PDE1B: variants seen among roughly 807,000 people sequenced by gnomAD.
The protein encoded by PDE1B is phosphodiesterase 1B.
Under a neutral mutation model 66.7 loss-of-function variants are expected in PDE1B, and 13 were observed. The ratio of observed to expected loss-of-function variants is 0.19; its 90% CI spans 0.13 to 0.31. The LOEUF is 0.31. Ranked by LOEUF, PDE1B falls within the 10% of genes least tolerant of loss-of-function variation. PDE1B has a pLI of 1.00. For missense variants in PDE1B, 485 were observed against 682.3 expected (o/e 0.71, Z 3.22); for synonymous variants, 230 against 253.9 (o/e 0.91, Z 0.90).
intron 6 of PDE1B, chr12:54,572,222 TG>T (rs1189416542): frequency 5.8e-6 from 1 of 173,414 alleles, no homozygotes; most frequent in Non-Finnish European, 1.2e-5. Flanking sequence ...GATGTGGGGA[TG>T]GAGTGGGATG....
chr12:54,575,613 A>G lies in PDE1B; in HGVS notation c.1248A>G (p.Leu416=), dbSNP rs1414596702. 8 of 1,611,774 alleles carry G rather than the reference A, an allele frequency of 5.0e-6. No individual in the cohort carries two copies. Among genetic ancestry groups the G allele is most frequent in the Non-Finnish European group, 6.8e-6 (8 of 1,178,382 alleles). Reference sequence around the variant, plus strand: ...CACTCTGTGACCGCACTTCCACTCTAGTGGCACAGTCTCAGATAGGTGAGT... The same window carrying G: ...CACTCTGTGACCGCACTTCCACTCTGGTGGCACAGTCTCAGATAGGTGAGT... The part of the protein sequence containing the change: ...FSPLCDRTST[L]VAQSQIGFID... Residue 416 remains leucine (L), a synonymous_variant, in exon 12 of 16, where the codon CTA becomes CTG. Coordinates refer to ENST00000243052, the MANE Select transcript of PDE1B (RefSeq NM_000924.4). The surrounding 1 kb of genome is among the most constrained non-coding windows in gnomAD (Gnocchi z 4.0).
rs1957713862 is a variant in PDE1B at position 54,575,298 on chromosome 12, C to G, written c.1185+80C>G. On this transcript the variant is annotated intron_variant, in intron 11 of 15. Transcript: ENST00000243052. This position sits in a 1 kb window ranked among gnomAD's most constrained non-coding sequence, Gnocchi z 4.0. ...GCCCTCCAAGTTCCCCAATCCTGTT[C>G]CACATCCTCCTTTTGCTACCTGTAG... 2.4e-6 allele frequency: 3 copies of G among 1,264,644 alleles called. No homozygotes were observed. The Admixed American group carries it at 5.2e-5, about 22-fold the overall frequency. 78.3% of individuals were successfully genotyped at this position (1,264,644 alleles called of 1,614,324 possible). A position where few individuals can be genotyped will look rare whatever the true frequency, so the allele number is the denominator to read the frequency against.
chr12:54,561,419 T>C, intron 2 of PDE1B: 1 of 1,267,002 alleles, frequency 7.9e-7, no homozygotes, highest in Non-Finnish European at 1.0e-6. Context: ...ACTCTCTTCT[T>C]CCTGCAGCCA....
intron 2 of PDE1B, among the ~76,000 whole-genome samples, chr12:54,560,674 G>A (rs1220327404): frequency 6.6e-6 from 1 of 152,200 alleles, no homozygotes; most frequent in African/African-American, 2.4e-5. Flanking sequence ...CGAAAGCAAA[G>A]TCTGAAGGCG....
rs1957575521 is a variant in PDE1B, at chr12:54,569,330, T to C, written c.374T>C (p.Ile125Thr). 3 of 1,613,332 alleles carry C rather than the reference T, an allele frequency of 1.9e-6. No individual in the cohort carries two copies. The highest frequency in any genetic ancestry group is 1.7e-6 in the Non-Finnish European group (2 of 1,179,552). The stretch of plus-strand genomic sequence containing the variant: ...GAGGAGAAGCCCAAGTTCCGAAGCA[T>C]TGTGCACGCTGTGCAGGCTGGGATC... ...RAEEKPKFRS[I>T]VHAVQAGIFV... is the part of the protein sequence containing the mutation. The change falls in exon 4 of 16, where the codon ATT becomes ACT. Residue 125 changes from isoleucine to threonine, a missense_variant. Ile to Thr is a moderately conservative substitution (Grantham distance 89). Coordinates refer to ENST00000243052, the MANE Select transcript of PDE1B (RefSeq NM_000924.4). This position sits in a 1 kb window ranked among gnomAD's most constrained non-coding sequence, Gnocchi z 4.4.
intron 3 of PDE1B, among the ~76,000 whole-genome samples, chr12:54,567,947 C>T (rs987298824): frequency 1.3e-5 from 2 of 152,192 alleles, no homozygotes; most frequent in Non-Finnish European, 2.9e-5. Flanking sequence ...ACCTCTGCCT[C>T]TGGGGTTCAA....
At chr12:54,577,724 G>T in intron 15 of PDE1B, 136 bp from the exon 16 acceptor site, 1 of 554,538 alleles carries the variant, frequency 1.8e-6, no homozygotes, top group Non-Finnish European at 3.0e-6. Context: ...CACCCCCTTG[G>T]CTGGGCACCC....
intron 2 of PDE1B, among the ~76,000 whole-genome samples, chr12:54,553,058 T>A (rs1957298713): frequency 6.6e-6 from 1 of 152,220 alleles, no homozygotes. Context: ...GAGAATACAG[T>A]CGGTGGTGGA....
chr12:54,564,264 C>T (rs1957472847), intron 2 of PDE1B, among the ~76,000 whole-genome samples: 1 of 151,354 alleles, frequency 6.6e-6, no homozygotes, highest in Admixed American at 6.6e-5. Flanking sequence ...CAGACCCACT[C>T]AAAGTCCTCA....
In PDE1B at chr12:54,575,904, C is replaced by T; in HGVS notation, c.1268-88C>T. ...CTCTCCATCCTCTTTCATAAGCAGC[C>T]AGGGGTCCTGGCCATGCCAGCTGCA... On this transcript the variant is annotated intron_variant, in intron 12 of 15. Coordinates refer to ENST00000243052, the MANE Select transcript of PDE1B (RefSeq NM_000924.4). This position sits in a 1 kb window ranked among gnomAD's most constrained non-coding sequence, Gnocchi z 4.0. The T allele has an allele frequency of 2.0e-6, 2 of 992,660 alleles. No individual in the cohort carries two copies. Among genetic ancestry groups the T allele is most frequent in the Admixed American group, 1.7e-5 (1 of 58,544 alleles). 61.5% of individuals were successfully genotyped at this position (992,660 alleles called of 1,614,324 possible).
chr12:54,574,345 T>A (rs759000699), intron 10 of PDE1B: 1 of 153,736 alleles, frequency 6.5e-6, no homozygotes, highest in African/African-American at 2.4e-5. Context: ...TAATAATAAT[T>A]ATTACTATTC....
In PDE1B at chr12:54,577,226, C is replaced by A. The variant is rs1957772844; in HGVS notation, c.1509C>A (p.Gly503=). The A allele has an allele frequency of 6.2e-7, 1 of 1,612,972 alleles. No homozygotes were observed. Among genetic ancestry groups the A allele is most frequent in the African/African-American group, 1.3e-5 (1 of 74,910 alleles). The change falls in exon 15 of 16, where the codon GGC becomes GGA. Residue 503 remains glycine, a splice_region_variant and synonymous_variant. Coordinates refer to ENST00000243052, the MANE Select transcript of PDE1B (RefSeq NM_000924.4). ...AGCCTCCTTTATGCTCCTCTACAGG[C>A]ATCACCAACCAGATGTCCATTGACG... The part of the protein sequence containing the change: ...KQKWKERAAS[G]ITNQMSIDEL...
rs751625484 is a variant in PDE1B at position 54,570,243 on chromosome 12, C to G, written c.480C>G (p.Asn160Lys). ...YSTAVLNCLK[N>K]LDLWCFDVFS... ...CATAATCTATTGTTTCTCCATAGAA[C>G]CTGGATCTCTGGTGCTTTGATGTCT... The change falls in exon 6 of 16, where the codon AAC (asparagine) becomes AAG (lysine). Residue 160 changes from asparagine to lysine, a missense_variant and splice_region_variant. Asn to Lys is a moderately conservative substitution (Grantham distance 94). This residue lies in a region of PDE1B where 282 missense variants were observed against 453.4 expected (regional missense o/e 0.62). Coordinates refer to ENST00000243052, the MANE Select transcript of PDE1B (RefSeq NM_000924.4). The G allele has an allele frequency of 4.0e-5, 64 of 1,595,872 alleles. No individual in the cohort carries two copies. The highest frequency in any genetic ancestry group is 5.4e-5 in the Non-Finnish European group (63 of 1,163,442).
Position 54,575,226 on chromosome 12 carries a change from G to A in PDE1B, c.1185+8G>A. ...GAGGAATTCTTCCGTCAGGTAGCGT[G>A]GCATCTTTGCCTTCCCTGTGCCTAT... On this transcript the variant is annotated splice_region_variant and intron_variant, in intron 11 of 15. Transcript: ENST00000243052. This position sits in a 1 kb window ranked among gnomAD's most constrained non-coding sequence, Gnocchi z 4.0. The A allele has an allele frequency of 6.2e-7, 1 of 1,612,858 alleles. No homozygotes were observed. The highest frequency in any genetic ancestry group is 8.5e-7 in the Non-Finnish European group (1 of 1,179,024).
intron 2 of PDE1B, among the ~76,000 whole-genome samples, chr12:54,556,970 A>G (rs577509212): frequency 6.6e-6 from 1 of 151,888 alleles, no homozygotes; most frequent in African/African-American, 2.4e-5. Context: ...TTTTATTCCT[A>G]TTTGTTGGCT....
chr12:54,550,610 A>AGG lies in PDE1B; in HGVS notation c.113+631_113+632dup, dbSNP rs11384809. Among the ~76,000 whole-genome samples the AGG allele has an allele frequency of 2.6e-3, 391 of 151,916 alleles. 10 individuals carry two copies. In the East Asian group the frequency reaches 0.045, roughly 17 times the overall value. The stretch of plus-strand genomic sequence containing the variant: ...ATGAGGGGACCCACGTGGAATCTGG[A>AGG]GGGGGGGTTGGAGCCCCCACCTGGA... On this transcript the variant is annotated intron_variant, in intron 2 of 15. Coordinates refer to ENST00000243052, the MANE Select transcript of PDE1B (RefSeq NM_000924.4).
chr12:54,573,918 C>T lies in PDE1B; in HGVS notation c.1064+209C>T, dbSNP rs60049770. ...GTGTGTGTGTGTGTGTGTGTCCTTA[C>T]GTTTACTCACAGCCTTGGCAGCTGA... On this transcript the variant is annotated intron_variant, in intron 10 of 15. Coordinates refer to ENST00000243052, the MANE Select transcript of PDE1B (RefSeq NM_000924.4). The surrounding 1 kb of genome is among the most constrained non-coding windows in gnomAD (Gnocchi z 5.2). The T allele has an allele frequency of 0.011, 5,773 of 527,412 alleles. 103 individuals carry two copies. Among genetic ancestry groups the T allele is most frequent in the African/African-American group, 0.059 (2,811 of 47,678 alleles). The allele number at this position is 527,412 out of a possible 1,614,324, so 32.7% of individuals were successfully genotyped here. A position where few individuals can be genotyped will look rare whatever the true frequency, so the allele number is the denominator to read the frequency against.
rs915117483 is a variant in PDE1B at position 54,569,355 on chromosome 12, C to A, written c.399C>A (p.Ile133=). The change falls in exon 4 of 16, where the codon ATC becomes ATA. Residue 133 remains isoleucine (I), a synonymous_variant. Coordinates refer to ENST00000243052, the MANE Select transcript of PDE1B (RefSeq NM_000924.4). The surrounding 1 kb of genome is among the most constrained non-coding windows in gnomAD (Gnocchi z 4.4). The part of the protein sequence containing the change: ...RSIVHAVQAG[I]FVERMFRRTY... ...TTGTGCACGCTGTGCAGGCTGGGAT[C>A]TTCGTGGAACGGTGAGGCTCGCCCA... 6 of 1,605,880 alleles carry A rather than the reference C, an allele frequency of 3.7e-6. No homozygotes were observed. The highest frequency in any genetic ancestry group is 5.1e-6 in the Non-Finnish European group (6 of 1,174,430).
Position 54,577,332 on chromosome 12 carries a change from T to C in PDE1B, c.*4T>C, listed in dbSNP as rs1957776001. The C allele has an allele frequency of 2.5e-6, 4 of 1,613,740 alleles. No individual in the cohort carries two copies. In the East Asian group the frequency reaches 6.7e-5, roughly 27 times the overall value. ...CCAGAATGGGAATCTGGATTAGCCC[T>C]GGGGCTGGCCCAGGTGAGCCTGTTG... On this transcript the variant is annotated 3_prime_UTR_variant, in exon 15 of 16. Transcript: ENST00000243052.
Sources: allele counts gnomAD v4.1 joint callset (sites outside exome capture counted in the v4.1 genomes callset), GRCh38; gene constraint gnomAD v4.1.1; regional missense constraint gnomAD v4.1.1; non-coding constraint Gnocchi (gnomAD v3.1); transcripts MANE v1.5; gene names NCBI Gene and HGNC (gene_info 2026-07-23, HGNC 2026-07-21).